Variants in PUDP observed in about 807,000 individuals in gnomAD.
The protein encoded by PUDP is pseudouridine-5'-phosphatase.
PUDP carries 8 observed loss-of-function variants against 9.4 expected under a neutral mutation model. The ratio of observed to expected loss-of-function variants is 0.85; its 90% CI spans 0.50 to 1.53. The LOEUF (loss-of-function observed/expected upper bound fraction) is 1.53, where lower values mean the gene tolerates loss of function less well. Among genes scored for constraint, PUDP ranks in the 40% most tolerant of loss-of-function variants. The pLI, the probability that PUDP is intolerant of heterozygous loss-of-function variation, is 0.00. For missense variants in PUDP, 188 were observed against 189.7 expected (o/e 0.99, Z 0.05); for synonymous variants, 99 against 80.7 (o/e 1.23, Z -1.22).
intron 1 of PUDP, among the ~76,000 whole-genome samples, chrX:7,000,347 T>A (rs1218708882): frequency 9.1e-6 from 1 of 110,158 alleles, no homozygotes; most frequent in African/African-American, 3.3e-5. Context: ...ATAAACTGAG[T>A]CAGTGGTTTA....
rs768000109 is a variant in PUDP at position 6,761,300 on chromosome X, T to C, written c.*248-54834A>G. 1.8e-3 allele frequency among the ~76,000 whole-genome samples: 203 copies of C among 112,370 alleles called. No individual in the cohort carries two copies. The Middle Eastern group carries it at 0.019, about 10-fold the overall frequency. On this transcript the variant is annotated intron_variant and NMD_transcript_variant, in intron 3 of 3. Transcript: ENST00000655425. ...CACTCTGTAGAGCATCTACCCCGCATGGTTTTCATGACAAGGAATGTGCAA... is the reference window on the plus strand; with the variant it reads ...CACTCTGTAGAGCATCTACCCCGCACGGTTTTCATGACAAGGAATGTGCAA...
At chrX:6,777,603 C>T (rs1319620073) in intron 3 of PUDP, among the ~76,000 whole-genome samples, 2 of 112,394 alleles carry the variant, frequency 1.8e-5, no homozygotes, top group Non-Finnish European at 3.8e-5. Flanking sequence ...ATATTTCTGG[C>T]TTATTTTCTA....
chrX:6,950,546 G>T (rs1428781413), intron 3 of PUDP, among the ~76,000 whole-genome samples: 1 of 102,193 alleles, frequency 9.8e-6, no homozygotes, highest in Non-Finnish European at 2.0e-5. Flanking sequence ...GAGTAGCTGG[G>T]ACTACAGGCA....
chrX:6,771,299 C>T (rs1925359643), intron 3 of PUDP, among the ~76,000 whole-genome samples: 2 of 112,119 alleles, frequency 1.8e-5, no homozygotes, highest in East Asian at 5.6e-4. Context: ...AGCTTCCTTT[C>T]TTTGCACGCT....
At chrX:6,991,675 T>C (rs1384644747) in intron 1 of PUDP, among the ~76,000 whole-genome samples, 1 of 67,235 alleles carries the variant, frequency 1.5e-5, no homozygotes, top group East Asian at 4.3e-4. Flanking sequence ...AGACCTTGTC[T>C]CAAAAAAAAA....
intron 3 of PUDP, among the ~76,000 whole-genome samples, chrX:6,932,844 C>A (rs779962468): frequency 1.8e-5 from 2 of 110,837 alleles, no homozygotes; most frequent in Non-Finnish European, 3.8e-5. Context: ...GAGGGTCCTA[C>A]GCCCACGGAG....
At chrX:6,728,410 CACAATCCTAACATAGGAAGCAATCACAT>C (rs1924769491) in intron 3 of PUDP, among the ~76,000 whole-genome samples, 1 of 111,506 alleles carries the variant, frequency 9.0e-6, no homozygotes, top group Non-Finnish European at 1.9e-5. Context: ...ATTAGAATTG[CACAATCCTAACATAGGAAGCAATCACAT>C]CATGTTTATG....
chrX:7,132,116 TGAA>T (rs34361014), intron 1 of PUDP, among the ~76,000 whole-genome samples: 3,103 of 107,708 alleles, frequency 0.029, 44 homozygotes, highest in East Asian at 0.14. Flanking sequence ...TGCAGTCCCC[TGAA>T]GAACAGGGAT....
rs12556704 is a variant in PUDP at position 7,077,691 on chromosome X, C to A, written c.281-242G>T. On this transcript the variant is annotated intron_variant, in intron 2 of 3. Transcript: ENST00000381077. ...TTGAGCGATACGTTTCCCAAAGGAA[C>A]AGAAGAAGAGCGCACTGGGAGGCAC... Among the ~76,000 whole-genome samples, 27,706 of 111,906 alleles carry A rather than the reference C, an allele frequency of 0.25. 2,646 individuals are homozygous for A. The highest frequency in any genetic ancestry group is 0.41 in the Admixed American group (4,392 of 10,632).
At chrX:6,928,823 G>C (rs982008622) in intron 3 of PUDP, among the ~76,000 whole-genome samples, 26 of 111,137 alleles carry the variant, frequency 2.3e-4, no homozygotes, top group Admixed American at 9.6e-5. Context: ...TCTTGAGCCG[G>C]GGAGGCGGAG....
At chrX:6,710,718 T>C (rs1010891800) in intron 1 of PUDP, among the ~76,000 whole-genome samples, 7 of 112,253 alleles carry the variant, frequency 6.2e-5, no homozygotes, top group African/African-American at 2.3e-4. Context: ...AAAATCACCT[T>C]CTGCTCACTC....
chrX:7,111,073 G>A (rs1377741581), intron 1 of PUDP, among the ~76,000 whole-genome samples: 1 of 111,084 alleles, frequency 9.0e-6, no homozygotes, highest in African/African-American at 3.3e-5. Context: ...CCCCCATGCT[G>A]TTCTCGTGAT....
At position 6,764,425 on chromosome X, in the gene PUDP, T is replaced by A. The variant is rs1602610426; in HGVS notation, c.*248-57959A>T. The stretch of plus-strand genomic sequence containing the variant: ...GTGGGTTTCTTCTGTCAGTTCCCCA[T>A]CTTTCTATTGTGGGAATTTATCATG... On this transcript the variant is annotated intron_variant and NMD_transcript_variant, in intron 3 of 3. Transcript: ENST00000655425. 4.5e-5 allele frequency among the ~76,000 whole-genome samples: 5 copies of A among 112,208 alleles called. No individual in the cohort carries two copies. In the Admixed American group the frequency reaches 4.7e-4, roughly 11 times the overall value.
intron 3 of PUDP, among the ~76,000 whole-genome samples, chrX:6,962,005 A>G (rs1169008998): frequency 8.9e-6 from 1 of 112,504 alleles, no homozygotes; most frequent in Non-Finnish European, 1.9e-5. Context: ...TTTTAAGGGT[A>G]CTCTACAATT....
intron 3 of PUDP, among the ~76,000 whole-genome samples, chrX:6,952,625 T>G (rs1377213538): frequency 1.8e-5 from 2 of 111,938 alleles, no homozygotes; most frequent in Non-Finnish European, 3.8e-5. Flanking sequence ...GAAACATAGT[T>G]GCCAGTGTGG....
chrX:6,862,892 C>T (rs1422692435), intron 3 of PUDP, among the ~76,000 whole-genome samples: 1 of 111,609 alleles, frequency 9.0e-6, no homozygotes, highest in Non-Finnish European at 1.9e-5. Context: ...AGAAACATAA[C>T]ACGAGCCACA....
At chrX:7,127,560 A>G (rs781666608) in intron 1 of PUDP, among the ~76,000 whole-genome samples, 1 of 112,480 alleles carries the variant, frequency 8.9e-6, no homozygotes, top group African/African-American at 3.2e-5. Context: ...CTGCATGGGA[A>G]TGTAAAGTAC....
rs745586048 is a variant in PUDP, at chrX:7,006,098, G to A, written c.205-27755C>T. On this transcript the variant is annotated intron_variant and NMD_transcript_variant, in intron 1 of 3. Coordinates refer to the PUDP transcript ENST00000655425. ...TAATCTATCCATGGACACTTGGGTT[G>A]CCTTCACTTTTTGGCTATTGTAAAT... Among the ~76,000 whole-genome samples, 223 of 112,167 alleles carry A rather than the reference G, an allele frequency of 2.0e-3. 1 individual carries two copies. Among genetic ancestry groups the A allele is most frequent in the Middle Eastern group, 0.014 (3 of 218 alleles).
At chrX:6,726,862 C>G (rs755681142) in intron 3 of PUDP, among the ~76,000 whole-genome samples, 1 of 111,454 alleles carries the variant, frequency 9.0e-6, no homozygotes, top group South Asian at 3.7e-4. Context: ...AGAGACCAAT[C>G]AATTAAAATC....
Sources: allele counts gnomAD v4.1 joint callset (sites outside exome capture counted in the v4.1 genomes callset), GRCh38; gene constraint gnomAD v4.1.1; transcripts MANE v1.5; gene names NCBI Gene and HGNC (gene_info 2026-07-23, HGNC 2026-07-21).